The following YWHAQ variants were observed in gnomAD, a reference collection of about 807,000 sequenced individuals.
YWHAQ encodes tyrosine 3-monooxygenase/tryptophan 5-monooxygenase activation protein theta.
A neutral mutation model predicts 28.3 loss-of-function variants in YWHAQ; 6 were observed. The ratio of observed to expected loss-of-function variants is 0.21; its 90% CI spans 0.12 to 0.42. The LOEUF is 0.42. Ranked by LOEUF, YWHAQ falls within the 10% of genes least tolerant of loss-of-function variation. YWHAQ has a pLI of 1.00. For missense variants in YWHAQ, 201 were observed against 305.6 expected, an observed-to-expected ratio of 0.66 and a Z score of 2.55; for synonymous variants, 143 against 119.1, an observed-to-expected ratio of 1.20 and a Z score of -1.31.
chr2:9,630,026 G>C lies in YWHAQ; in HGVS notation c.294+133C>G. The C allele has an allele frequency of 8.5e-7, 1 of 1,181,422 alleles. No homozygotes were observed. The highest frequency in any genetic ancestry group is 1.2e-6 in the Non-Finnish European group (1 of 849,334). The allele number at this position is 1,181,422 out of a possible 1,614,324, so 73.2% of individuals were successfully genotyped here. ...CGGAGGGACACAGTAGGGAAGTCAG[G>C]GCTCACCTAAAACCCTCCACCCCAG... On this transcript the variant is annotated intron_variant, in intron 2 of 5. Coordinates refer to ENST00000238081, the MANE Select transcript of YWHAQ (RefSeq NM_006826.4). The surrounding 1 kb of genome is among the most constrained non-coding windows in gnomAD (Gnocchi z 5.6).
chr2:9,593,921 T>TACACACAC (rs148503227), intron 2 of YWHAQ, among the ~76,000 whole-genome samples: 2,058 of 128,244 alleles, frequency 0.016, 30 homozygotes, highest in Middle Eastern at 0.03. Flanking sequence ...TATATATATA[T>TACACACAC]ATACACACAC....
At chr2:9,600,157 A>T (rs1244868170) in intron 2 of YWHAQ, among the ~76,000 whole-genome samples, 1 of 152,208 alleles carries the variant, frequency 6.6e-6, no homozygotes, top group Non-Finnish European at 1.5e-5. Flanking sequence ...ATGTGACTGA[A>T]TTGCTGCAAA....
At chr2:9,602,104 C>T (rs1341177989) in intron 2 of YWHAQ, among the ~76,000 whole-genome samples, 1 of 152,008 alleles carries the variant, frequency 6.6e-6, no homozygotes, top group Non-Finnish European at 1.5e-5. Flanking sequence ...ATATCCTTTC[C>T]CTCCTCCTCT....
At chr2:9,588,549 T>A (rs1238502819) in intron 3 of YWHAQ, among the ~76,000 whole-genome samples, 1 of 152,010 alleles carries the variant, frequency 6.6e-6, no homozygotes, top group Non-Finnish European at 1.5e-5. Context: ...GGTGGGTGGA[T>A]CACTTGAGAT....
At chr2:9,601,176 T>C (rs2125066158) in intron 2 of YWHAQ, among the ~76,000 whole-genome samples, 1 of 152,200 alleles carries the variant, frequency 6.6e-6, no homozygotes, top group East Asian at 1.9e-4. Context: ...AATATTATAA[T>C]TCAGGCCGGT....
At chr2:9,595,314 T>C (rs1024856534) in intron 2 of YWHAQ, among the ~76,000 whole-genome samples, 4 of 152,184 alleles carry the variant, frequency 2.6e-5, no homozygotes, top group Non-Finnish European at 5.9e-5. Flanking sequence ...GAATATAGCC[T>C]ATAAATGTAT....
At chr2:9,595,918 T>C (rs949493429) in intron 2 of YWHAQ, among the ~76,000 whole-genome samples, 11 of 152,120 alleles carry the variant, frequency 7.2e-5, no homozygotes, top group Admixed American at 6.6e-4. Flanking sequence ...TGGTAGTGTG[T>C]TCCTTTTTGA....
In YWHAQ at chr2:9,603,426, T is replaced by C. The variant is rs117577461; in HGVS notation, c.295-11911A>G. Among the ~76,000 whole-genome samples, 115 of 151,886 alleles carry C rather than the reference T, an allele frequency of 7.6e-4. 2 individuals are homozygous for C. The East Asian group carries it at 0.02, about 27-fold the overall frequency. ...CTGGGATTACAGGCACGCATAATCA[T>C]GCCTGGCTAATTTTTCTAATTTTTT... is the stretch of plus-strand genomic sequence containing the variant. On this transcript the variant is annotated intron_variant, in intron 2 of 5. Coordinates refer to ENST00000238081, the MANE Select transcript of YWHAQ (RefSeq NM_006826.4).
At chr2:9,628,500 A>T (rs1667291043) in intron 2 of YWHAQ, among the ~76,000 whole-genome samples, 1 of 152,256 alleles carries the variant, frequency 6.6e-6, no homozygotes, top group Admixed American at 6.5e-5. Context: ...GAACAAGAAA[A>T]ATCACGCGGT....
rs540959701 is a variant in YWHAQ, at chr2:9,605,727, A to AT, written c.295-14213dup. Among the ~76,000 whole-genome samples, 1,075 of 142,900 alleles carry AT rather than the reference A, an allele frequency of 7.5e-3. 10 individuals are homozygous for AT. The highest frequency in any genetic ancestry group is 0.022 in the African/African-American group (864 of 38,822). 93.7% of individuals were successfully genotyped at this position (142,900 alleles called of 152,430 possible). A position where few individuals can be genotyped will look rare whatever the true frequency, so the allele number is the denominator to read the frequency against. ...AGGTGTGCACCACCATGACCGGCTA[A>AT]TTTTTTTTTTTTTTTGGTAGAGGGG... On this transcript the variant is annotated intron_variant, in intron 2 of 5. Coordinates refer to ENST00000238081, the MANE Select transcript of YWHAQ (RefSeq NM_006826.4).
Position 9,598,840 on chromosome 2 carries a change from TTTAA to T in YWHAQ, c.295-7329_295-7326del, listed in dbSNP as rs566117316. Reference sequence around the variant, plus strand: ...ACCAATTAATAACCCTACAATGGCCTTTAATTAAGTGTTCAAGTGAAAAGATGAG... The same window carrying T: ...ACCAATTAATAACCCTACAATGGCCTTTAAGTGTTCAAGTGAAAAGATGAG... On this transcript the variant is annotated intron_variant, in intron 2 of 5. Transcript: ENST00000238081. 1.5e-3 allele frequency among the ~76,000 whole-genome samples: 224 copies of T among 152,322 alleles called. 1 individual carries two copies. The highest frequency in any genetic ancestry group is 5.2e-3 in the African/African-American group (218 of 41,564).
intron 2 of YWHAQ, among the ~76,000 whole-genome samples, chr2:9,627,237 G>A (rs1051059960): frequency 4.2e-4 from 64 of 152,332 alleles, no homozygotes; most frequent in African/African-American, 1.5e-3. Context: ...TGAAAGGGAG[G>A]AGGCTGAGAA....
intron 2 of YWHAQ, among the ~76,000 whole-genome samples, chr2:9,607,584 T>A (rs188232185): frequency 4.1e-4 from 63 of 152,284 alleles, no homozygotes; most frequent in African/African-American, 1.5e-3. Flanking sequence ...AATATGACTG[T>A]GATTTCAGCA....
chr2:9,621,125 A>C (rs1373110932), intron 2 of YWHAQ, among the ~76,000 whole-genome samples: 1 of 152,210 alleles, frequency 6.6e-6, no homozygotes, highest in East Asian at 1.9e-4. Flanking sequence ...GTTGAATGAA[A>C]TGCAATGCCG....
intron 2 of YWHAQ, among the ~76,000 whole-genome samples, chr2:9,626,096 G>C (rs1414207224): frequency 1.3e-5 from 2 of 152,224 alleles, no homozygotes; most frequent in Non-Finnish European, 2.9e-5. Context: ...AACTTCCAGA[G>C]ATTCCCTACA....
chr2:9,601,859 G>A (rs943873328), intron 2 of YWHAQ, among the ~76,000 whole-genome samples: 2 of 152,176 alleles, frequency 1.3e-5, no homozygotes, highest in Non-Finnish European at 1.5e-5. Context: ...TGTTGGCCAG[G>A]GTGGTCTCGA....
At chr2:9,616,492 G>A (rs1573002086) in intron 2 of YWHAQ, among the ~76,000 whole-genome samples, 1 of 145,196 alleles carries the variant, frequency 6.9e-6, no homozygotes. Flanking sequence ...CTGCTTCAAA[G>A]GACACTAACA....
chr2:9,588,421 G>C, intron 3 of YWHAQ, 93 bp from the exon 4 acceptor site: 1 of 1,414,272 alleles, frequency 7.1e-7, no homozygotes. Flanking sequence ...CTAGCTCTTG[G>C]TAGAACCAAG....
chr2:9,585,374 CT>C lies in YWHAQ; in HGVS notation c.679-30del, dbSNP rs375133910. ...GAAAAAGAAGAATCATATTAAGTTA[CT>C]ATTTCTAGATTAGGCAATTACACTA... On this transcript the variant is annotated intron_variant, in intron 5 of 5. Coordinates refer to ENST00000238081, the MANE Select transcript of YWHAQ (RefSeq NM_006826.4). 3.6e-4 allele frequency: 575 copies of C among 1,612,972 alleles called. 4 individuals carry two copies. In the African/African-American group the frequency reaches 6.6e-3, roughly 18 times the overall value.
Sources: gnomAD v4.1 joint callset for allele counts (sites outside exome capture counted in the v4.1 genomes callset) on GRCh38, gnomAD v4.1.1 for gene constraint, Gnocchi (gnomAD v3.1) non-coding constraint, MANE v1.5 for transcripts, NCBI Gene and HGNC (gene_info 2026-07-23, HGNC 2026-07-21) for gene names.